Variants in TRPS1 observed in about 807,000 individuals in gnomAD.
TRPS1 encodes the protein transcriptional repressor GATA binding 1, also known as zinc finger transcription factor Trps1.
Under a neutral mutation model 101.2 loss-of-function variants are expected in TRPS1, and 6 were observed. The ratio of observed to expected loss-of-function variants is 0.06; its 90% CI spans 0.03 to 0.12. The LOEUF is 0.12. Ranked by LOEUF, TRPS1 falls within the 10% of genes least tolerant of loss-of-function variation. The pLI is 1.00. For missense variants in TRPS1, 1,363 were observed against 1,567.0 expected (o/e 0.87, Z 2.20); for synonymous variants, 578 against 589.8 (o/e 0.98, Z 0.29).
At chr8:115,533,704 G>C (rs1205091810) in intron 5 of TRPS1, among the ~76,000 whole-genome samples, 2 of 151,848 alleles carry the variant, frequency 1.3e-5, no homozygotes, top group African/African-American at 4.8e-5. Context: ...AGACTGGGTG[G>C]CTTAAACAAC....
At chr8:115,416,805 T>C (rs1402751934) in intron 6 of TRPS1, among the ~76,000 whole-genome samples, 1 of 152,100 alleles carries the variant, frequency 6.6e-6, no homozygotes, top group Non-Finnish European at 1.5e-5. Context: ...CAACATAGCT[T>C]AGTTATGCCA....
intron 2 of TRPS1, among the ~76,000 whole-genome samples, chr8:115,623,316 G>T (rs1477295305): frequency 1.3e-5 from 2 of 151,948 alleles, no homozygotes; most frequent in Non-Finnish European, 2.9e-5. Context: ...TTAAAAAAAT[G>T]TGCTTAATTT....
intron 5 of TRPS1, among the ~76,000 whole-genome samples, chr8:115,481,432 G>A (rs1159414943): frequency 2.0e-5 from 3 of 150,752 alleles, no homozygotes; most frequent in Non-Finnish European, 4.4e-5. Flanking sequence ...AACCCATACA[G>A]AGTAATTATA....
At chr8:115,480,893 T>A (rs990768243) in intron 5 of TRPS1, among the ~76,000 whole-genome samples, 5 of 152,104 alleles carry the variant, frequency 3.3e-5, no homozygotes, top group Admixed American at 1.3e-4. Context: ...TACGTGCATG[T>A]CAGCCATTAA....
chr8:115,514,569 T>A (rs948573270), intron 5 of TRPS1, among the ~76,000 whole-genome samples: 2 of 151,662 alleles, frequency 1.3e-5, no homozygotes, highest in African/African-American at 4.8e-5. Flanking sequence ...GTAGTTTTTT[T>A]AATGTATAAT....
chr8:115,639,328 C>G (rs1282106618), intron 1 of TRPS1, among the ~76,000 whole-genome samples: 2 of 152,146 alleles, frequency 1.3e-5, no homozygotes, highest in Non-Finnish European at 2.9e-5. Context: ...CTTGGCCTTC[C>G]AGAGTGCTGG....
chr8:115,487,175 C>T (rs181664914), intron 5 of TRPS1, among the ~76,000 whole-genome samples: 1 of 152,116 alleles, frequency 6.6e-6, no homozygotes, highest in African/African-American at 2.4e-5. Flanking sequence ...TGTAATGGGA[C>T]AGCAAAGCCT....
chr8:115,427,500 A>G lies in TRPS1; in HGVS notation c.2701-9048T>C, dbSNP rs562743396. On this transcript the variant is annotated intron_variant, in intron 5 of 6. Coordinates refer to ENST00000395715, the MANE Select transcript of TRPS1 (RefSeq NM_014112.5). The stretch of plus-strand genomic sequence containing the variant: ...TTATTATTATTATTCCCTCCACTTT[A>G]TAGATGAGAAAACTGAGGCTTAGAA... Among the ~76,000 whole-genome samples, 10 of 152,144 alleles carry G rather than the reference A, an allele frequency of 6.6e-5. No homozygotes were observed. The South Asian group carries it at 2.1e-3, about 32-fold the overall frequency.
chr8:115,599,989 C>T (rs972297766), intron 4 of TRPS1, among the ~76,000 whole-genome samples: 3 of 152,160 alleles, frequency 2.0e-5, no homozygotes, highest in African/African-American at 7.2e-5. Flanking sequence ...TCTCCACATC[C>T]TCACCAGCAT....
At chr8:115,515,483 C>T (rs552722764) in intron 5 of TRPS1, among the ~76,000 whole-genome samples, 29 of 151,438 alleles carry the variant, frequency 1.9e-4, no homozygotes, top group South Asian at 1.0e-3. Context: ...GACAAATGAA[C>T]GTATTTTTAA....
chr8:115,537,124 TC>T (rs1221348989), intron 5 of TRPS1, among the ~76,000 whole-genome samples: 2 of 152,182 alleles, frequency 1.3e-5, no homozygotes, highest in African/African-American at 2.4e-5. Flanking sequence ...ATTAGATGAT[TC>T]CCCCACCCTG....
At chr8:115,666,124 G>T (rs777800961) in intron 1 of TRPS1, among the ~76,000 whole-genome samples, 1 of 152,068 alleles carries the variant, frequency 6.6e-6, no homozygotes, top group South Asian at 2.1e-4. Flanking sequence ...TCAAACTTTA[G>T]CATGTTACTA....
intron 5 of TRPS1, among the ~76,000 whole-genome samples, chr8:115,543,166 G>C (rs1816493226): frequency 6.6e-6 from 1 of 152,130 alleles, no homozygotes; most frequent in Non-Finnish European, 1.5e-5. Flanking sequence ...AAATAAGTAA[G>C]TGGGCTCGCT....
At chr8:115,593,104 C>T (rs1817713823) in intron 4 of TRPS1, among the ~76,000 whole-genome samples, 1 of 152,070 alleles carries the variant, frequency 6.6e-6, no homozygotes, top group African/African-American at 2.4e-5. Context: ...AGGCATGCAC[C>T]ACCATACTCA....
chr8:115,621,733 G>A (rs900960355), intron 2 of TRPS1, among the ~76,000 whole-genome samples: 8 of 152,022 alleles, frequency 5.3e-5, no homozygotes, highest in African/African-American at 1.9e-4. Flanking sequence ...GACCAACATG[G>A]CGAAATTCCA....
chr8:115,428,718 C>G (rs1469401124), intron 5 of TRPS1, among the ~76,000 whole-genome samples: 1 of 151,978 alleles, frequency 6.6e-6, no homozygotes, highest in African/African-American at 2.4e-5. Flanking sequence ...CTTTTAGAAA[C>G]ACGGGGAATG....
intron 2 of TRPS1, among the ~76,000 whole-genome samples, chr8:115,620,396 G>A (rs1359930142): frequency 6.6e-6 from 1 of 151,748 alleles, no homozygotes; most frequent in Non-Finnish European, 1.5e-5. Flanking sequence ...TCCTTTGATT[G>A]TAGCTAACAA....
At chr8:115,617,555 C>G (rs1818300519) in intron 3 of TRPS1, among the ~76,000 whole-genome samples, 1 of 152,168 alleles carries the variant, frequency 6.6e-6, no homozygotes, top group Admixed American at 6.5e-5. Context: ...AGATCAGCTT[C>G]CCTCAGAAGT....
chr8:115,421,296 T>G (rs1813047936), intron 5 of TRPS1, among the ~76,000 whole-genome samples: 2 of 152,186 alleles, frequency 1.3e-5, no homozygotes, highest in African/African-American at 4.8e-5. Flanking sequence ...CTGTGATTCT[T>G]ATGTAGATTA....
Sources: gnomAD v4.1 joint callset for allele counts (sites outside exome capture counted in the v4.1 genomes callset) on GRCh38, gnomAD v4.1.1 for gene constraint, MANE v1.5 for transcripts, NCBI Gene and HGNC (gene_info 2026-07-23, HGNC 2026-07-21) for gene names.